Variants in ZEB1 observed in about 807,000 individuals in gnomAD.
ZEB1 encodes the protein zinc finger E-box binding homeobox 1.
ZEB1 carries 21 observed loss-of-function variants against 84.9 expected under a neutral mutation model. That is an observed-to-expected ratio of 0.25 (90% CI 0.18 to 0.36). ZEB1 has a LOEUF of 0.36. ZEB1 is among the 10% of genes least tolerant of loss of function. The pLI is 1.00. For synonymous variants in ZEB1, 420 were observed against 471.1 expected (o/e 0.89, Z 1.41); for missense variants, 1,104 against 1,330.2 (o/e 0.83, Z 2.65).
At chr10:31,363,384 A>G in intron 1 of ZEB1, 1 of 1,534,488 alleles carries the variant, frequency 6.5e-7, no homozygotes, top group South Asian at 1.2e-5. Flanking sequence ...GGGCCTTGTC[A>G]GTCTGATTCT....
chr10:31,404,729 A>T (rs1378674339), intron 1 of ZEB1, among the ~76,000 whole-genome samples: 1 of 151,834 alleles, frequency 6.6e-6, no homozygotes, highest in East Asian at 1.9e-4. Context: ...TTCAAACTGC[A>T]CCTCTCCTTT....
chr10:31,366,688 T>C (rs1303963463), intron 1 of ZEB1, among the ~76,000 whole-genome samples: 1 of 152,250 alleles, frequency 6.6e-6, no homozygotes, highest in Non-Finnish European at 1.5e-5. Flanking sequence ...CACTGTTTTC[T>C]TTGACCTGAA....
At chr10:31,450,755 T>G (rs2060462781) in intron 1 of ZEB1, among the ~76,000 whole-genome samples, 1 of 152,226 alleles carries the variant, frequency 6.6e-6, no homozygotes, top group Non-Finnish European at 1.5e-5. Flanking sequence ...AGATGTCGTT[T>G]GTCCTTTATG....
intron 1 of ZEB1, among the ~76,000 whole-genome samples, chr10:31,382,021 A>AAAAAAAAC (rs1554831479): frequency 1.3e-4 from 20 of 149,852 alleles, no homozygotes; most frequent in African/African-American, 5.0e-4. Flanking sequence ...AAAAAAAAAA[A>AAAAAAAAC]AAAAAAAAAA....
intron 1 of ZEB1, among the ~76,000 whole-genome samples, chr10:31,396,540 C>G (rs573872027): frequency 6.6e-4 from 101 of 152,104 alleles, no homozygotes; most frequent in African/African-American, 2.4e-3. Flanking sequence ...AGAACTGATG[C>G]AGAAAAAAAT....
At position 31,361,051 on chromosome 10, in the gene ZEB1, C is replaced by A. The variant is rs867290013; in HGVS notation, c.58+41759C>A. The A allele has an allele frequency of 3.2e-5, 51 of 1,611,148 alleles. No individual in the cohort carries two copies. The Middle Eastern group carries it at 2.3e-3, about 71-fold the overall frequency. On this transcript the variant is annotated intron_variant, in intron 1 of 8. Transcript: ENST00000424869. The stretch of plus-strand genomic sequence containing the variant: ...TCTTATTTTGGAAGGGATTCTGATA[C>A]TCTGGATAATCAGACTTCTTTTCTC...
intron 1 of ZEB1, among the ~76,000 whole-genome samples, chr10:31,424,247 T>C (rs2136105704): frequency 6.6e-6 from 1 of 152,164 alleles, no homozygotes; most frequent in East Asian, 1.9e-4. Flanking sequence ...AAATTTTTTT[T>C]TGCAGACTAG....
At chr10:31,486,676 T>C (rs917782000) in intron 2 of ZEB1, among the ~76,000 whole-genome samples, 6 of 151,510 alleles carry the variant, frequency 4.0e-5, no homozygotes, top group Admixed American at 4.0e-4. Flanking sequence ...GTTGAGTTAC[T>C]TATTTTATTA....
rs2043743631 is a variant in ZEB1 at position 31,363,371 on chromosome 10, C to T, written c.58+44079C>T. The T allele has an allele frequency of 2.6e-6, 4 of 1,534,460 alleles. No homozygotes were observed. In the Admixed American group the frequency reaches 7.8e-5, roughly 30 times the overall value. ...TTGGAGTAGAAACTCACTGCATGCA[C>T]CTGGGCCTTGTCAGTCTGATTCTTT... On this transcript the variant is annotated intron_variant, in intron 1 of 8. Coordinates refer to ENST00000424869, the MANE Select transcript of ZEB1 (RefSeq NM_001174096.2).
In ZEB1 at chr10:31,485,360, G is replaced by A. The variant is rs527263513; in HGVS notation, c.260-10416G>A. Reference sequence around the variant, plus strand: ...GTGGAAACTAAGGACTAACTGAGTTGTATCACTCCCCAAAGTCTACTCACG... The same window carrying A: ...GTGGAAACTAAGGACTAACTGAGTTATATCACTCCCCAAAGTCTACTCACG... On this transcript the variant is annotated intron_variant, in intron 2 of 8. Coordinates refer to ENST00000424869, the MANE Select transcript of ZEB1 (RefSeq NM_001174096.2). Among the ~76,000 whole-genome samples the A allele has an allele frequency of 3.3e-5, 5 of 151,932 alleles. No homozygotes were observed. The East Asian group carries it at 7.8e-4, about 24-fold the overall frequency.
intron 1 of ZEB1, chr10:31,361,086 C>G (rs1225673646): frequency 5.6e-6 from 9 of 1,611,790 alleles, no homozygotes; most frequent in Non-Finnish European, 7.6e-6. Context: ...CTAAGACTTA[C>G]AAATTACAAG....
intron 1 of ZEB1, among the ~76,000 whole-genome samples, chr10:31,372,479 C>T (rs756862360): frequency 2.0e-5 from 3 of 151,884 alleles, no homozygotes; most frequent in Admixed American, 6.6e-5. Flanking sequence ...TAAATTGGTA[C>T]AGAAAAGGAG....
chr10:31,443,736 A>G (rs1476848845), intron 1 of ZEB1, among the ~76,000 whole-genome samples: 1 of 150,262 alleles, frequency 6.7e-6, no homozygotes, highest in African/African-American at 2.5e-5. Flanking sequence ...TACAAAGGAC[A>G]TGAACTCATC....
At chr10:31,363,654 A>G in intron 1 of ZEB1, 1 of 1,440,308 alleles carries the variant, frequency 6.9e-7, no homozygotes. Flanking sequence ...AAGGAAGTTG[A>G]AGGTTAAACT....
intron 1 of ZEB1, chr10:31,320,067 G>A (rs1032397489): frequency 1.3e-5 from 2 of 151,458 alleles, no homozygotes; most frequent in Admixed American, 6.6e-5. Flanking sequence ...CGGGGGCGCG[G>A]GTCCCTAAGC....
chr10:31,437,519 T>G (rs1040568549), intron 1 of ZEB1, among the ~76,000 whole-genome samples: 1 of 152,238 alleles, frequency 6.6e-6, no homozygotes, highest in East Asian at 1.9e-4. Flanking sequence ...ATTATCCCCC[T>G]TGTTCTTTCA....
intron 5 of ZEB1, among the ~76,000 whole-genome samples, chr10:31,512,201 G>A (rs560641135): frequency 6.6e-6 from 1 of 152,266 alleles, no homozygotes; most frequent in South Asian, 2.1e-4. Context: ...CATTCAGGAA[G>A]CAGACCCATC....
intron 1 of ZEB1, 142 bp from the exon 2 acceptor site, chr10:31,460,895 C>G: frequency 2.7e-6 from 2 of 739,118 alleles, no homozygotes; most frequent in African/African-American, 1.8e-5. Context: ...TGTGTGTTGT[C>G]AAATAAATTA....
At chr10:31,496,765 G>A (rs1359975932) in intron 3 of ZEB1, among the ~76,000 whole-genome samples, 1 of 151,552 alleles carries the variant, frequency 6.6e-6, no homozygotes, top group African/African-American at 2.4e-5. Context: ...TTACTTTGCT[G>A]TGCATTTTAG....
Sources: allele counts gnomAD v4.1 joint callset (sites outside exome capture counted in the v4.1 genomes callset), GRCh38; gene constraint gnomAD v4.1.1; transcripts MANE v1.5; gene names NCBI Gene and HGNC (gene_info 2026-07-23, HGNC 2026-07-21).